MED14: variants seen among roughly 807,000 people sequenced by gnomAD.
MED14 encodes mediator complex subunit 14, also known as mediator of RNA polymerase II transcription subunit 14.
In MED14, 8 loss-of-function variants were observed where a neutral mutation model predicts 109.0. That is an observed-to-expected ratio of 0.07 (90% CI 0.04 to 0.13). The LOEUF (loss-of-function observed/expected upper bound fraction) is 0.13, where lower values mean the gene tolerates loss of function less well. Among genes scored for constraint, MED14 ranks in the 10% least tolerant of loss-of-function variants. MED14 has a pLI of 1.00. For missense variants in MED14, 711 were observed against 1,142.4 expected, an observed-to-expected ratio of 0.62 and a Z score of 5.44; for synonymous variants, 399 against 408.7, an observed-to-expected ratio of 0.98 and a Z score of 0.29.
intron 3 of MED14, among the ~76,000 whole-genome samples, chrX:40,718,835 T>A (rs1361401360): frequency 1.8e-5 from 2 of 111,249 alleles, no homozygotes; most frequent in Admixed American, 1.9e-4. Context: ...TGAGACTTCA[T>A]GTCTTAAAAT....
At chrX:40,692,155 G>T (rs368752055) in intron 15 of MED14, 28 bp downstream of exon 15, 2 of 1,185,424 alleles carry the variant, frequency 1.7e-6, no homozygotes, top group Non-Finnish European at 2.3e-6. Context: ...TTCATTTGGG[G>T]TATCCAGAAC....
chrX:40,656,289 C>G (rs1410927146), intron 28 of MED14, among the ~76,000 whole-genome samples: 1 of 111,314 alleles, frequency 9.0e-6, no homozygotes, highest in Non-Finnish European at 1.9e-5. Flanking sequence ...AAAGTCAAGT[C>G]AAAACACAAA....
rs748964689 is a variant in MED14 at position 40,729,375 on chromosome X, T to C, written c.216-30A>G. On this transcript the variant is annotated intron_variant, in intron 1 of 30. Coordinates refer to ENST00000324817, the MANE Select transcript of MED14 (RefSeq NM_004229.4). ...GAAGAAAAAAAAAAAACGGATTAGA[T>C]ACATGCATACCTTCATTCTAATGTG... 2.6e-6 allele frequency: 3 copies of C among 1,139,281 alleles called. No homozygotes were observed. In the South Asian group the frequency reaches 5.7e-5, roughly 22 times the overall value. 93.9% of individuals were successfully genotyped at this position (1,139,281 alleles called of 1,213,427 possible).
intron 9 of MED14, among the ~76,000 whole-genome samples, 164 bp from the exon 10 acceptor site, chrX:40,709,623 G>T (rs182321901): frequency 2.2e-4 from 25 of 112,197 alleles, no homozygotes; most frequent in African/African-American, 5.5e-4. Flanking sequence ...TAACTAATAT[G>T]GTATTGAGTT....
Position 40,707,281 on chromosome X carries a change from T to C in MED14, c.1285+2067A>G, listed in dbSNP as rs767907304. Among the ~76,000 whole-genome samples the C allele has an allele frequency of 3.6e-5, 4 of 112,447 alleles. No homozygotes were observed. The East Asian group carries it at 8.3e-4, about 23-fold the overall frequency. ...AACAAATGTTACTGAGATAACTGCA[T>C]ATCCTCACGTAAAAGAATGCAAACA... On this transcript the variant is annotated intron_variant, in intron 10 of 30. Transcript: ENST00000324817.
In MED14 at chrX:40,709,332, A is replaced by AT; in HGVS notation, c.1285+15dup. The AT allele has an allele frequency of 2.3e-6, 2 of 875,840 alleles. No homozygotes were observed. The highest frequency in any genetic ancestry group is 3.1e-6 in the Non-Finnish European group (2 of 639,542). 72.2% of individuals were successfully genotyped at this position (875,840 alleles called of 1,213,427 possible). ...TTAAACAAAAGAAAAACAAATGTCA[A>AT]TTTAAAAGAACCTACAGTTTTCATT... On this transcript the variant is annotated intron_variant, in intron 10 of 30. Transcript: ENST00000324817.
chrX:40,667,559 G>A (rs1929545539), intron 23 of MED14, among the ~76,000 whole-genome samples: 1 of 111,792 alleles, frequency 8.9e-6, no homozygotes, highest in Non-Finnish European at 1.9e-5. Context: ...GAGGAAGAGG[G>A]GTGGGTCCCA....
intron 11 of MED14, 123 bp from the exon 12 acceptor site, chrX:40,701,366 T>C (rs1221061934): frequency 6.7e-6 from 3 of 448,819 alleles, no homozygotes; most frequent in Non-Finnish European, 1.1e-5. Flanking sequence ...ATGTTGTTTT[T>C]GAGTCAGAGA....
At position 40,682,756 on chromosome X, in the gene MED14, G is replaced by A; in HGVS notation, c.2219-7C>T. The A allele has an allele frequency of 1.7e-6, 2 of 1,204,948 alleles. No homozygotes were observed. The highest frequency in any genetic ancestry group is 2.2e-6 in the Non-Finnish European group (2 of 891,076). The stretch of plus-strand genomic sequence containing the variant: ...TAAACGTGCCGGGATGGTCCTACAG[G>A]ATTAAAAGAGAATATTAATAGTAAT... On this transcript the variant is annotated splice_polypyrimidine_tract_variant and splice_region_variant and intron_variant, in intron 17 of 30. Coordinates refer to ENST00000324817, the MANE Select transcript of MED14 (RefSeq NM_004229.4).
At chrX:40,684,376 C>T (rs908880808) in intron 16 of MED14, among the ~76,000 whole-genome samples, 4 of 112,523 alleles carry the variant, frequency 3.6e-5, no homozygotes, top group African/African-American at 1.3e-4. Flanking sequence ...GAATAAACAA[C>T]TTAAGAGAGC....
chrX:40,712,943 T>C lies in MED14; in HGVS notation c.752A>G (p.Glu251Gly), dbSNP rs1403761747. ...PDVPWRLLKL[E>G]ILVEDKETGD... ...TGTTTCCTTATCCTCAACTAGAATT[T>C]CTAGCTTGAGAAGACGCCATGGAAC... Residue 251 changes from glutamate (E) to glycine (G), a missense_variant, in exon 6 of 31, where the codon GAA becomes GGA. By Grantham distance (98) the Glu-to-Gly change is moderately conservative. Transcript: ENST00000324817. 2 of 1,183,556 alleles carry C rather than the reference T, an allele frequency of 1.7e-6. No individual in the cohort carries two copies. Among genetic ancestry groups the C allele is most frequent in the East Asian group, 6.0e-5 (2 of 33,393 alleles).
chrX:40,694,288 C>G (rs1289762102), intron 13 of MED14, among the ~76,000 whole-genome samples: 1 of 111,830 alleles, frequency 8.9e-6, no homozygotes, highest in Admixed American at 9.5e-5. Context: ...CAGACTCATG[C>G]TTTGATTCCA....
chrX:40,654,405 T>C lies in MED14; in HGVS notation c.4250A>G (p.Asn1417Ser), dbSNP rs1222259203. 4 of 1,210,232 alleles carry C rather than the reference T, an allele frequency of 3.3e-6. No homozygotes were observed. Among genetic ancestry groups the C allele is most frequent in the Non-Finnish European group, 4.5e-6 (4 of 895,330 alleles). Residue 1417 changes from asparagine to serine, a missense_variant, in exon 30 of 31, where the codon AAC becomes AGC. By Grantham distance (46) the Asn-to-Ser change is conservative. Coordinates refer to ENST00000324817, the MANE Select transcript of MED14 (RefSeq NM_004229.4). ...CATCTCTGCAAACCTCTTCAGAATG[T>C]TGCTGACCATCATGGGAGCAGCAAC... Reference protein sequence around the residue: ...SSVAAPMMVSNILKRFAEMNP... With the variant: ...SSVAAPMMVSSILKRFAEMNP...
chrX:40,705,543 G>A lies in MED14; in HGVS notation c.1286-1974C>T, dbSNP rs376480775. 1.8e-4 allele frequency among the ~76,000 whole-genome samples: 20 copies of A among 112,044 alleles called. 1 individual carries two copies. In the East Asian group the frequency reaches 4.4e-3, roughly 25 times the overall value. On this transcript the variant is annotated intron_variant, in intron 10 of 30. Coordinates refer to ENST00000324817, the MANE Select transcript of MED14 (RefSeq NM_004229.4). ...TGCCCTAAAGCATTTAAAGGCAACA[G>A]GTTTTAGGTATACAAAAATGGGGAA... is the stretch of plus-strand genomic sequence containing the variant.
chrX:40,713,176 C>T, intron 5 of MED14, 134 bp from the exon 6 acceptor site: 4 of 581,276 alleles, frequency 6.9e-6, no homozygotes, highest in Non-Finnish European at 5.0e-6. Flanking sequence ...AAGGTTCCAA[C>T]AATTCAATGG....
At chrX:40,710,833 T>C (rs1242602304) in intron 8 of MED14, among the ~76,000 whole-genome samples, 1 of 112,026 alleles carries the variant, frequency 8.9e-6, no homozygotes, top group Admixed American at 9.4e-5. Flanking sequence ...CACAAAAGCA[T>C]GTTACTAGAG....
chrX:40,712,984 C>T lies in MED14; in HGVS notation c.711G>A (p.Met237Ile). The T allele has an allele frequency of 8.4e-7, 1 of 1,190,991 alleles. No individual in the cohort carries two copies. The highest frequency in any genetic ancestry group is 1.1e-6 in the Non-Finnish European group (1 of 881,652). Residue 237 changes from methionine to isoleucine, a missense_variant, in exon 6 of 31, where the codon ATG (methionine) becomes ATA (isoleucine). Physicochemically the swap from Met to Ile is conservative, Grantham distance 10. This residue lies in a region of MED14 where 388 missense variants were observed against 517.3 expected (regional missense o/e 0.75). Transcript: ENST00000324817. ...GCCATGGAACATCAGGGTCATCTCC[C>T]ATCACAGTCAAGGTGGCTTCAAATT... ...EGEFEATLTV[M>I]GDDPDVPWRL...
rs1008423371 is a variant in MED14, at chrX:40,649,529, T to A, written c.*2277A>T. 3.4e-5 allele frequency: 24 copies of A among 695,678 alleles called. 1 individual carries two copies. The highest frequency in any genetic ancestry group is 3.0e-4 in the South Asian group (10 of 33,631). The allele number at this position is 695,678 out of a possible 1,213,427, so 57.3% of individuals were successfully genotyped here. On this transcript the variant is annotated 3_prime_UTR_variant, in exon 31 of 31. Coordinates refer to ENST00000324817, the MANE Select transcript of MED14 (RefSeq NM_004229.4). ...TGAAAACATCTTCATCAAAATTAAC[T>A]AGAGAGTTGGTAGTTCTCTGAAACT...
chrX:40,735,723 T>G (rs55916251), upstream of MED14: 1 of 431,662 alleles, frequency 2.3e-6, no homozygotes, highest in Non-Finnish European at 4.3e-6. Context: ...GCAACGTACA[T>G]GTTGACTGCC....
Sources: gnomAD v4.1 joint callset for allele counts (sites outside exome capture counted in the v4.1 genomes callset) on GRCh38, gnomAD v4.1.1 for gene constraint, gnomAD v4.1.1 regional missense constraint, MANE v1.5 for transcripts, NCBI Gene and HGNC (gene_info 2026-07-23, HGNC 2026-07-21) for gene names.